Variants in AZI2 observed in about 807,000 individuals in gnomAD.
AZI2 encodes the protein 5-azacytidine induced 2.
AZI2 carries 22 observed loss-of-function variants against 45.8 expected under a neutral mutation model. The ratio of observed to expected loss-of-function variants is 0.48; its 90% CI spans 0.34 to 0.69. The LOEUF is 0.69. Ranked by LOEUF, AZI2 falls within the 30% of genes least tolerant of loss-of-function variation. The pLI is 0.01. For missense variants in AZI2, 417 were observed against 441.5 expected (o/e 0.94, Z 0.50); for synonymous variants, 137 against 156.7 (o/e 0.87, Z 0.94).
At chr3:28,340,690 T>C (rs969108317) in intron 1 of AZI2, 68 bp from the exon 2 acceptor site, 86 of 1,195,130 alleles carry the variant, frequency 7.2e-5, no homozygotes, top group Non-Finnish European at 9.8e-5. Context: ...AAAAAAGTTA[T>C]AGTTAAGAAT....
intron 7 of AZI2, 118 bp from the exon 8 acceptor site, chr3:28,324,572 G>C: frequency 1.0e-6 from 1 of 955,460 alleles, no homozygotes; most frequent in East Asian, 2.7e-5. Flanking sequence ...TTCCAAGTTA[G>C]TGTGATCATT....
chr3:28,330,436 C>G (rs1380703168), intron 6 of AZI2, among the ~76,000 whole-genome samples: 2 of 151,230 alleles, frequency 1.3e-5, no homozygotes, highest in Non-Finnish European at 3.0e-5. Flanking sequence ...ATGGAAATAT[C>G]CCTATATACT....
At chr3:28,336,430 A>G (rs1703791523) in intron 5 of AZI2, among the ~76,000 whole-genome samples, 1 of 152,082 alleles carries the variant, frequency 6.6e-6, no homozygotes, top group African/African-American at 2.4e-5. Context: ...TAAACTTTAC[A>G]GAGAAAAGGA....
rs1445258343 is a variant in AZI2, at chr3:28,324,052, T to A, written c.1169A>T (p.Tyr390Phe). The A allele has an allele frequency of 6.2e-7, 1 of 1,603,890 alleles. No individual in the cohort carries two copies. The highest frequency in any genetic ancestry group is 8.5e-7 in the Non-Finnish European group (1 of 1,173,382). Residue 390 changes from tyrosine to phenylalanine, a missense_variant, in exon 8 of 8, where the codon TAT becomes TTT. Physicochemically the swap from Tyr to Phe is conservative, Grantham distance 22. Coordinates refer to ENST00000479665, the MANE Select transcript of AZI2 (RefSeq NM_022461.5). ...YLDQHNQNCLYKN is the reference protein window; with the variant it reads ...YLDQHNQNCLFKN The stretch of plus-strand genomic sequence containing the variant: ...TGAATCTCTTCCAAATTAATTCTTA[T>A]AAAGGCAGTTCTGATTATGTTGATC...
intron 5 of AZI2, among the ~76,000 whole-genome samples, chr3:28,335,677 A>AT (rs1703762623): frequency 6.6e-6 from 1 of 152,028 alleles, no homozygotes; most frequent in Non-Finnish European, 1.5e-5. Flanking sequence ...GTCACCTCTC[A>AT]TAAAAACTAC....
rs1559453039 is a variant in AZI2 at position 28,321,437 on chromosome 3, A to T, written c.*2605T>A. The T allele has an allele frequency of 6.6e-6, 1 of 151,422 alleles. No individual in the cohort carries two copies. The highest frequency in any genetic ancestry group is 1.5e-5 in the Non-Finnish European group (1 of 67,558). 9.4% of individuals were successfully genotyped at this position (151,422 alleles called of 1,614,324 possible). ...AAGCCAGATTAGATTACACAGTATA[A>T]ATAATATGTTCATCCTCCTTATGTC... On this transcript the variant is annotated 3_prime_UTR_variant, in exon 8 of 8. Transcript: ENST00000479665.
At chr3:28,327,740 CT>C (rs1244129560) in intron 6 of AZI2, among the ~76,000 whole-genome samples, 1 of 150,562 alleles carries the variant, frequency 6.6e-6, no homozygotes. Context: ...TCATGATTTT[CT>C]TTTTTTGCTG....
rs1280942260 is a variant in AZI2 at position 28,327,143 on chromosome 3, AT to A, written c.648-194del. On this transcript the variant is annotated intron_variant, in intron 6 of 7. Coordinates refer to ENST00000479665, the MANE Select transcript of AZI2 (RefSeq NM_022461.5). The stretch of plus-strand genomic sequence containing the variant: ...AGATCTTGAAAGAATAACACTGTCC[AT>A]CTGATATGTAGCAATTAACTATTAT... The A allele has an allele frequency of 5.7e-6, 3 of 527,982 alleles. No homozygotes were observed. The African/African-American group carries it at 5.8e-5, about 10-fold the overall frequency. The allele number at this position is 527,982 out of a possible 1,614,324, so 32.7% of individuals were successfully genotyped here. A position where few individuals can be genotyped will look rare whatever the true frequency, so the allele number is the denominator to read the frequency against.
chr3:28,326,713 A>AC, intron 7 of AZI2, 119 bp downstream of exon 7: 1 of 813,416 alleles, frequency 1.2e-6, no homozygotes, highest in African/African-American at 1.7e-5. Flanking sequence ...CTGCGAATGT[A>AC]CTATATATAC....
chr3:28,346,400 A>G (rs1704230775), intron 1 of AZI2, among the ~76,000 whole-genome samples: 1 of 152,142 alleles, frequency 6.6e-6, no homozygotes, highest in Admixed American at 6.5e-5. Flanking sequence ...AGAGAAGGGA[A>G]TTCACATTTA....
intron 1 of AZI2, among the ~76,000 whole-genome samples, chr3:28,341,349 G>A (rs892213104): frequency 4.6e-5 from 7 of 152,058 alleles, no homozygotes; most frequent in Non-Finnish European, 1.0e-4. Context: ...AGAATGTTAA[G>A]CTCTGTGAGG....
intron 7 of AZI2, chr3:28,326,631 A>C: frequency 3.4e-6 from 2 of 585,376 alleles, no homozygotes; most frequent in South Asian, 1.9e-5. Flanking sequence ...CTGAAGAAAA[A>C]ACACATCAGC....
intron 6 of AZI2, among the ~76,000 whole-genome samples, chr3:28,329,698 C>T (rs1703506037): frequency 6.6e-6 from 1 of 151,250 alleles, no homozygotes; most frequent in African/African-American, 2.4e-5. Flanking sequence ...TCCATCATCA[C>T]AGTAGAATTA....
chr3:28,337,060 G>C (rs1001165603), intron 4 of AZI2, 175 bp from the exon 5 acceptor site: 3 of 592,220 alleles, frequency 5.1e-6, no homozygotes, highest in Admixed American at 3.6e-5. Context: ...CTATGCTAAG[G>C]AGAATGAGAA....
intron 1 of AZI2, among the ~76,000 whole-genome samples, chr3:28,344,316 A>C (rs1178890065): frequency 1.3e-5 from 2 of 152,082 alleles, no homozygotes; most frequent in Non-Finnish European, 2.9e-5. Flanking sequence ...AGTCTGTACA[A>C]ACCAGACTTC....
intron 6 of AZI2, among the ~76,000 whole-genome samples, chr3:28,329,347 C>T (rs966161586): frequency 6.6e-6 from 1 of 151,040 alleles, no homozygotes; most frequent in Non-Finnish European, 1.5e-5. Flanking sequence ...CTGATCACTG[C>T]CCTTTTGGAG....
intron 5 of AZI2, among the ~76,000 whole-genome samples, chr3:28,333,854 T>C (rs1356588966): frequency 2.6e-5 from 4 of 151,682 alleles, no homozygotes; most frequent in Non-Finnish European, 5.9e-5. Context: ...TAGGTTTCTA[T>C]ACTATAGCAG....
rs1242001563 is a variant in AZI2 at position 28,324,274 on chromosome 3, A to T, written c.947T>A (p.Leu316His). ...DVKVLSEKAI[L>H]QSWTDNERSI... is the part of the protein sequence containing the mutation. ...TCTCTCATTGTCTGTCCATGATTGG[A>T]GGATTGCTTTCTCTGATAAAACCTT... Residue 316 changes from leucine to histidine, a missense_variant, in exon 8 of 8, where the codon CTC becomes CAC. By Grantham distance (99) the Leu-to-His change is moderately conservative. Coordinates refer to ENST00000479665, the MANE Select transcript of AZI2 (RefSeq NM_022461.5). The T allele has an allele frequency of 6.2e-7, 1 of 1,608,972 alleles. No homozygotes were observed. The highest frequency in any genetic ancestry group is 8.5e-7 in the Non-Finnish European group (1 of 1,176,550).
At chr3:28,346,506 T>C (rs1704234411) in intron 1 of AZI2, among the ~76,000 whole-genome samples, 1 of 152,080 alleles carries the variant, frequency 6.6e-6, no homozygotes, top group South Asian at 2.1e-4. Flanking sequence ...AATGGGGAAA[T>C]TGAGGCTCAA....
Sources: allele counts gnomAD v4.1 joint callset (sites outside exome capture counted in the v4.1 genomes callset), GRCh38; gene constraint gnomAD v4.1.1; transcripts MANE v1.5; gene names NCBI Gene and HGNC (gene_info 2026-07-23, HGNC 2026-07-21).